BCL2L14: variants seen among roughly 807,000 people sequenced by gnomAD.
BCL2L14 encodes apoptosis facilitator Bcl-2-like protein 14.
BCL2L14 carries 27 observed loss-of-function variants against 35.3 expected under a neutral mutation model. The observed-to-expected ratio is 0.76, with a 90% CI of 0.56 to 1.05. The LOEUF is 1.05. Among genes scored for constraint, BCL2L14 ranks in the 50% least tolerant of loss-of-function variants. The pLI is 0.00. For missense variants in BCL2L14, 377 were observed against 382.6 expected, an observed-to-expected ratio of 0.99 and a Z score of 0.12; for synonymous variants, 139 against 145.9, an observed-to-expected ratio of 0.95 and a Z score of 0.34.
chr12:12,087,474 G>T, intron 3 of BCL2L14, 88 bp downstream of exon 3: 2 of 1,415,742 alleles, frequency 1.4e-6, no homozygotes, highest in East Asian at 2.3e-5. Flanking sequence ...TCGGCAACTT[G>T]ACAGTCTCCG....
intron 1 of BCL2L14, 47 bp from the exon 2 acceptor site, chr12:12,079,252 T>C (rs1320384100): frequency 1.3e-6 from 2 of 1,486,512 alleles, no homozygotes; most frequent in Non-Finnish European, 1.8e-6. Flanking sequence ...CTGCAAAGGG[T>C]AAGTGGCCCT....
upstream of BCL2L14, among the ~76,000 whole-genome samples, chr12:12,067,095 C>T (rs907703221): frequency 2.0e-5 from 3 of 151,936 alleles, no homozygotes; most frequent in Non-Finnish European, 2.9e-5. Context: ...GACTGAGTCT[C>T]GCTCTGTCAC....
At chr12:12,072,872 G>C (rs1269847084) in intron 1 of BCL2L14, among the ~76,000 whole-genome samples, 13 of 120,936 alleles carry the variant, frequency 1.1e-4, no homozygotes, top group Admixed American at 1.1e-3. Context: ...GTTTGTGTGG[G>C]TGGGTTTTTT....
chr12:12,060,837 C>A (rs1361843584), intron 2 of BCL2L14, among the ~76,000 whole-genome samples: 1 of 130,260 alleles, frequency 7.7e-6, no homozygotes, highest in Non-Finnish European at 1.6e-5. Flanking sequence ...CTGACTCCTT[C>A]TCAGCTTAGC....
chr12:12,069,852 A>C (rs529841357), upstream of BCL2L14, among the ~76,000 whole-genome samples: 5 of 152,338 alleles, frequency 3.3e-5, no homozygotes, highest in South Asian at 1.0e-3. Context: ...CTAAATATCT[A>C]ACTTTCCCAT....
At chr12:12,092,392 C>T (rs1949208041) in intron 4 of BCL2L14, among the ~76,000 whole-genome samples, 1 of 152,220 alleles carries the variant, frequency 6.6e-6, no homozygotes, top group East Asian at 1.9e-4. Flanking sequence ...CAGTAGGGAG[C>T]TCTGCTAGAG....
At chr12:12,070,030 T>A (rs1948645940), upstream of BCL2L14, among the ~76,000 whole-genome samples, 3 of 152,212 alleles carry the variant, frequency 2.0e-5, no homozygotes, top group Non-Finnish European at 4.4e-5. Flanking sequence ...CATGGCCATA[T>A]ATATCTATTT....
At chr12:12,072,382 G>A (rs755786247) in intron 1 of BCL2L14, 4 of 152,354 alleles carry the variant, frequency 2.6e-5, no homozygotes, top group Non-Finnish European at 5.9e-5. Flanking sequence ...CAGGCAGCCA[G>A]TGTTCCCAGA....
chr12:12,095,935 C>A (rs756287245), intron 5 of BCL2L14: 59 of 985,236 alleles, frequency 6.0e-5, no homozygotes, highest in Non-Finnish European at 2.7e-5. Flanking sequence ...ACAACCAAGG[C>A]CATTCTTAAG....
At chr12:12,088,293 T>C (rs1949092696) in intron 3 of BCL2L14, among the ~76,000 whole-genome samples, 1 of 151,998 alleles carries the variant, frequency 6.6e-6, no homozygotes, top group East Asian at 1.9e-4. Flanking sequence ...GGTGTCTGAT[T>C]TACATAGGAT....
Position 12,090,910 on chromosome 12 carries a change from T to G in BCL2L14, c.678+61T>G, listed in dbSNP as rs556537326. The G allele has an allele frequency of 2.2e-5, 29 of 1,329,578 alleles. No homozygotes were observed. In the African/African-American group the frequency reaches 3.6e-4, roughly 16 times the overall value. The allele number at this position is 1,329,578 out of a possible 1,614,324, so 82.4% of individuals were successfully genotyped here. On this transcript the variant is annotated intron_variant, in intron 4 of 5. Coordinates refer to ENST00000308721, the MANE Select transcript of BCL2L14 (RefSeq NM_138723.2). ...GTGCCCATGCACTAGTACACGAGAA[T>G]GGAATTGTATTCCAGGTTGCAACCT...
At chr12:12,056,822 G>A (rs1446357385) in intron 2 of BCL2L14, among the ~76,000 whole-genome samples, 1 of 151,108 alleles carries the variant, frequency 6.6e-6, no homozygotes, top group Non-Finnish European at 1.5e-5. Flanking sequence ...GACGACAAGA[G>A]CGAAACTCCA....
In BCL2L14 at chr12:12,095,184, A is replaced by C. The variant is rs1717465658; in HGVS notation, c.945+254A>C. On this transcript the variant is annotated intron_variant, in intron 5 of 5. Transcript: ENST00000308721. ...GATGGAAAGGGACTGGTCAGATGGA[A>C]CAGGAAATGAGGAGATGCTGAGATA... 3.0e-6 allele frequency: 3 copies of C among 985,268 alleles called. No individual in the cohort carries two copies. In the South Asian group the frequency reaches 1.4e-4, roughly 46 times the overall value. The allele number at this position is 985,268 out of a possible 1,614,324, so 61.0% of individuals were successfully genotyped here.
At chr12:12,084,248 C>T (rs1191544497) in intron 2 of BCL2L14, among the ~76,000 whole-genome samples, 14 of 152,186 alleles carry the variant, frequency 9.2e-5, no homozygotes, top group Non-Finnish European at 1.5e-4. Flanking sequence ...CGTGAGCCAC[C>T]GCACCCAGCC....
At chr12:12,090,645 A>C in intron 3 of BCL2L14, 134 bp from the exon 4 acceptor site, 4 of 405,180 alleles carry the variant, frequency 9.9e-6, no homozygotes, top group Non-Finnish European at 1.7e-5. Flanking sequence ...AAAATAAAAA[A>C]TAAAAAAAAA....
intron 2 of BCL2L14, among the ~76,000 whole-genome samples, chr12:12,062,204 C>G (rs1948536226): frequency 6.6e-6 from 1 of 151,424 alleles, no homozygotes; most frequent in East Asian, 1.9e-4. Flanking sequence ...TTAAGTCCCA[C>G]AATTACCATT....
intron 2 of BCL2L14, among the ~76,000 whole-genome samples, chr12:12,062,154 C>CT (rs1435114986): frequency 6.6e-6 from 1 of 151,834 alleles, no homozygotes; most frequent in Non-Finnish European, 1.5e-5. Context: ...GATGCATATA[C>CT]TTTCTGCTCC....
At chr12:12,081,568 A>G (rs1404384245) in intron 2 of BCL2L14, among the ~76,000 whole-genome samples, 1 of 123,246 alleles carries the variant, frequency 8.1e-6, no homozygotes, top group African/African-American at 3.0e-5. Context: ...TTTTTTTTTT[A>G]AGGTGTTTTA....
In BCL2L14 at chr12:12,099,192, T is replaced by C. The variant is rs766604460; in HGVS notation, c.*204T>C. On this transcript the variant is annotated 3_prime_UTR_variant, in exon 6 of 6. Transcript: ENST00000308721. ...AATGTAGCAGCATCATCCTTGACAG[T>C]GATGTTTTTCAGGCCCTCCATTGAG... 1.8e-6 allele frequency: 1 copy of C among 555,426 alleles called. No individual in the cohort carries two copies. 34.4% of individuals were successfully genotyped at this position (555,426 alleles called of 1,614,324 possible). A position where few individuals can be genotyped will look rare whatever the true frequency, so the allele number is the denominator to read the frequency against.
Sources: allele counts gnomAD v4.1 joint callset (sites outside exome capture counted in the v4.1 genomes callset), GRCh38; gene constraint gnomAD v4.1.1; transcripts MANE v1.5; gene names NCBI Gene and HGNC (gene_info 2026-07-23, HGNC 2026-07-21).